Variants in CTNNA2 observed in about 807,000 individuals in gnomAD.
The protein encoded by CTNNA2 is catenin alpha 2.
In CTNNA2, 42 loss-of-function variants were observed where a neutral mutation model predicts 101.0. That is an observed-to-expected ratio of 0.42 (90% CI 0.32 to 0.54). The LOEUF is 0.54. CTNNA2 is among the 20% of genes least tolerant of loss of function. The pLI, the probability that CTNNA2 is intolerant of heterozygous loss-of-function variation, is 0.14. For synonymous variants in CTNNA2, 450 were observed against 456.4 expected (o/e 0.99, Z 0.18); for missense variants, 871 against 1,223.1 (o/e 0.71, Z 4.29).
intron 7 of CTNNA2, among the ~76,000 whole-genome samples, chr2:80,173,234 C>G (rs902892890): frequency 1.3e-5 from 2 of 152,210 alleles, no homozygotes; most frequent in Non-Finnish European, 2.9e-5. Flanking sequence ...GTTTAGTGCA[C>G]AGCCATGTGC....
At chr2:79,575,634 T>C (rs1675747567) in intron 1 of CTNNA2, 1 of 152,250 alleles carries the variant, frequency 6.6e-6, no homozygotes, top group African/African-American at 2.4e-5. Flanking sequence ...GGCCTGTCTT[T>C]TCCCAGGACA....
chr2:79,478,931 G>A (rs1671080507), intron 4 of CTNNA2, among the ~76,000 whole-genome samples: 1 of 152,100 alleles, frequency 6.6e-6, no homozygotes, highest in South Asian at 2.1e-4. Flanking sequence ...TCCACCACTG[G>A]AGCAGCTTTC....
intron 7 of CTNNA2, among the ~76,000 whole-genome samples, chr2:80,199,991 C>A (rs1421013231): frequency 6.6e-6 from 1 of 152,146 alleles, no homozygotes; most frequent in Non-Finnish European, 1.5e-5. Context: ...ATGTTTCTGA[C>A]TTTCCTTAGA....
At chr2:80,516,077 C>A (rs904717414) in intron 9 of CTNNA2, among the ~76,000 whole-genome samples, 3 of 152,162 alleles carry the variant, frequency 2.0e-5, no homozygotes, top group African/African-American at 7.2e-5. Flanking sequence ...CAGTGGGATT[C>A]ATTATGCAGA....
chr2:79,504,088 A>T, intron 4 of CTNNA2, among the ~76,000 whole-genome samples: 1 of 152,198 alleles, frequency 6.6e-6, no homozygotes, highest in East Asian at 1.9e-4. Flanking sequence ...GCTCATTCCC[A>T]TCAAGTGAGG....
At chr2:79,423,916 A>C (rs1678566124) in intron 4 of CTNNA2, among the ~76,000 whole-genome samples, 1 of 152,176 alleles carries the variant, frequency 6.6e-6, no homozygotes, top group Non-Finnish European at 1.5e-5. Flanking sequence ...AAACTTTGCC[A>C]GATCCTGATT....
chr2:79,277,215 G>A (rs570328502), intron 2 of CTNNA2, among the ~76,000 whole-genome samples: 3 of 151,948 alleles, frequency 2.0e-5, no homozygotes, highest in East Asian at 1.9e-4. Flanking sequence ...GATGTCAAGC[G>A]GCTTAAAGGA....
At chr2:80,358,319 G>A (rs1408203756) in intron 7 of CTNNA2, among the ~76,000 whole-genome samples, 2 of 149,270 alleles carry the variant, frequency 1.3e-5, no homozygotes, top group Non-Finnish European at 3.0e-5. Context: ...ATGTATGAAT[G>A]AGTTCTACGT....
chr2:80,490,331 C>A (rs186054509), intron 9 of CTNNA2, among the ~76,000 whole-genome samples: 185 of 124,230 alleles, frequency 1.5e-3, no homozygotes, highest in Non-Finnish European at 2.5e-3. Context: ...ATTTGTGGCC[C>A]ATACAGTTTC....
chr2:80,490,823 G>A (rs1374731983), intron 9 of CTNNA2, among the ~76,000 whole-genome samples: 1 of 152,072 alleles, frequency 6.6e-6, no homozygotes, highest in Non-Finnish European at 1.5e-5. Flanking sequence ...ACATCTTTGT[G>A]TTATGCCCTC....
intron 3 of CTNNA2, among the ~76,000 whole-genome samples, chr2:79,760,869 T>A (rs1159462170): frequency 6.6e-6 from 1 of 152,158 alleles, no homozygotes; most frequent in Admixed American, 6.5e-5. Context: ...TCCTACCAAA[T>A]GGAGGCTGTG....
chr2:80,390,527 G>A (rs897839950), intron 7 of CTNNA2, among the ~76,000 whole-genome samples: 1 of 152,178 alleles, frequency 6.6e-6, no homozygotes, highest in Non-Finnish European at 1.5e-5. Flanking sequence ...CCTCCCAAAC[G>A]TGTCTGTAGC....
chr2:80,024,713 G>A (rs1558738650), intron 7 of CTNNA2, among the ~76,000 whole-genome samples: 3 of 152,202 alleles, frequency 2.0e-5, no homozygotes, highest in South Asian at 4.1e-4. Flanking sequence ...ATCTGGGAAA[G>A]AGTGTCTGCG....
intron 2 of CTNNA2, among the ~76,000 whole-genome samples, chr2:79,310,565 T>G (rs746498401): frequency 6.6e-6 from 1 of 152,238 alleles, no homozygotes; most frequent in African/African-American, 2.4e-5. Context: ...TTGGGTGTTG[T>G]TGTCCATATA....
intron 7 of CTNNA2, among the ~76,000 whole-genome samples, chr2:80,387,157 C>A (rs534605810): frequency 2.0e-5 from 3 of 151,940 alleles, no homozygotes; most frequent in Non-Finnish European, 4.4e-5. Context: ...GGCGTGGTGG[C>A]GGGCACCTGT....
At chr2:80,177,504 G>A (rs1008771666) in intron 7 of CTNNA2, among the ~76,000 whole-genome samples, 7 of 152,134 alleles carry the variant, frequency 4.6e-5, no homozygotes, top group Admixed American at 3.9e-4. Context: ...GGTCAGCCTT[G>A]GTGAGTGGAA....
rs35982231 is a variant in CTNNA2, at chr2:80,183,884, GGTGTGTGT to G, written c.1057-209308_1057-209301del. On this transcript the variant is annotated intron_variant, in intron 7 of 18. Transcript: ENST00000402739. ...ACGTAAGAAGAAGTGTGTGCTCTTG[GGTGTGTGT>G]GTGTGTGTGTGTGTGTGTAAGCATT... Among the ~76,000 whole-genome samples the G allele has an allele frequency of 1.7e-3, 248 of 149,544 alleles. 2 individuals are homozygous for G. The highest frequency in any genetic ancestry group is 5.6e-3 in the African/African-American group (229 of 40,710).
At chr2:79,766,401 A>G (rs1310142254) in intron 3 of CTNNA2, among the ~76,000 whole-genome samples, 2 of 152,100 alleles carry the variant, frequency 1.3e-5, no homozygotes, top group Admixed American at 1.3e-4. Context: ...TGCCAGATGT[A>G]TTGGAGCTCC....
At chr2:79,572,237 G>C (rs566017126) in intron 1 of CTNNA2, among the ~76,000 whole-genome samples, 1 of 152,264 alleles carries the variant, frequency 6.6e-6, no homozygotes, top group South Asian at 2.1e-4. Context: ...AGTGGACTGA[G>C]ACTTGTGGTC....
Sources: gnomAD v4.1 joint callset for allele counts (sites outside exome capture counted in the v4.1 genomes callset) on GRCh38, gnomAD v4.1.1 for gene constraint, MANE v1.5 for transcripts, NCBI Gene and HGNC (gene_info 2026-07-23, HGNC 2026-07-21) for gene names.